PIEZO1: variants seen among roughly 807,000 people sequenced by gnomAD.
PIEZO1 encodes the protein piezo type mechanosensitive ion channel component 1 (Er blood group), also known as piezo-type mechanosensitive ion channel component 1.
A neutral mutation model predicts 297.2 loss-of-function variants in PIEZO1; 296 were observed. The observed-to-expected ratio is 1.00, with a 90% CI of 0.91 to 1.10. The LOEUF (loss-of-function observed/expected upper bound fraction) is 1.10. Ranked by LOEUF, PIEZO1 falls within the 50% of genes least tolerant of loss-of-function variation. The pLI, the probability that PIEZO1 is intolerant of heterozygous loss-of-function variation, is 0.00. For synonymous variants in PIEZO1, 2,427 were observed against 1,507.5 expected (o/e 1.61, Z -14.13); for missense variants, 5,018 against 3,455.5 (o/e 1.45, Z -11.34).
chr16:88,724,864 C>T (rs552848789), intron 30 of PIEZO1, 145 bp downstream of exon 30: 70 of 552,546 alleles, frequency 1.3e-4, no homozygotes, highest in African/African-American at 1.3e-3. Flanking sequence ...GTGAGGCACC[C>T]CCCGACCCAG....
At chr16:88,718,717 T>C (rs1401065123) in intron 44 of PIEZO1, 1 of 152,044 alleles carries the variant, frequency 6.6e-6, no homozygotes. Flanking sequence ...TTCTTCTTTT[T>C]ACTTTTTTAG....
intron 31 of PIEZO1, 140 bp from the exon 32 acceptor site, chr16:88,723,468 C>T: frequency 1.0e-6 from 1 of 983,012 alleles, no homozygotes; most frequent in South Asian, 1.6e-5. Flanking sequence ...TGAGCCCCTC[C>T]CGGATGGGGA....
rs772948565 is a variant in PIEZO1 at position 88,742,293 on chromosome 16, G to A, written c.283+7C>T. 1.8e-5 allele frequency: 27 copies of A among 1,529,954 alleles called. No homozygotes were observed. In the Middle Eastern group the frequency reaches 6.8e-4, roughly 38 times the overall value. The allele number at this position is 1,529,954 out of a possible 1,614,324, so 94.8% of individuals were successfully genotyped here. On this transcript the variant is annotated splice_region_variant and intron_variant, in intron 3 of 50. Transcript: ENST00000301015. ...GCTATCCCTACCCCGCCCCCTCAGC[G>A]ACTCACAGCTGGGTCCCAGGAGCTG...
At chr16:88,784,806 G>A (rs1597494949) in intron 1 of PIEZO1, 95 bp downstream of exon 1, 2 of 916,434 alleles carry the variant, frequency 2.2e-6, no homozygotes, top group Admixed American at 4.0e-5. Flanking sequence ...CTCGCCCGCA[G>A]CCCTCGCCCC....
In PIEZO1 at chr16:88,722,021, C is replaced by G; in HGVS notation, c.5001G>C (p.Glu1667Asp). The G allele has an allele frequency of 1.3e-6, 2 of 1,548,482 alleles. No homozygotes were observed. Among genetic ancestry groups the G allele is most frequent in the South Asian group, 2.4e-5 (2 of 83,950 alleles). ...GCAGCCGCAGCGCCCGGCCCTGCCC[C>G]TCCGCAAACAGCTCTGCCTCCTCCA... ...PELEEAELFAEGQGRALRLLR... is the reference protein window; with the variant it reads ...PELEEAELFADGQGRALRLLR... Residue 1667 changes from glutamate to aspartate, a missense_variant, in exon 37 of 51, where the codon GAG becomes GAC. Coordinates refer to ENST00000301015, the MANE Select transcript of PIEZO1 (RefSeq NM_001142864.4).
chr16:88,738,495 T>C, intron 6 of PIEZO1, 55 bp from the exon 7 acceptor site: 3 of 1,508,256 alleles, frequency 2.0e-6, no homozygotes, highest in Non-Finnish European at 8.8e-7. Context: ...TGTCCCGCTG[T>C]CTCCACAGTC....
intron 1 of PIEZO1, among the ~76,000 whole-genome samples, chr16:88,775,066 C>T (rs1429584030): frequency 6.6e-6 from 1 of 152,176 alleles, no homozygotes; most frequent in Non-Finnish European, 1.5e-5. Context: ...ACAGTGAAGA[C>T]GACAGAGTTC....
chr16:88,742,640 G>A (rs1222128945), intron 2 of PIEZO1: 2 of 543,056 alleles, frequency 3.7e-6, no homozygotes, highest in Non-Finnish European at 6.5e-6. Context: ...ATCCTCCTGG[G>A]GGTGGCAGCA....
intron 1 of PIEZO1, among the ~76,000 whole-genome samples, chr16:88,778,926 C>T (rs984217831): frequency 4.6e-5 from 7 of 151,784 alleles, no homozygotes; most frequent in East Asian, 1.9e-4. Context: ...ACCCAGAGAG[C>T]GGGGGCAGGT....
intron 1 of PIEZO1, among the ~76,000 whole-genome samples, chr16:88,765,495 G>C (rs904466363): frequency 6.6e-6 from 1 of 152,122 alleles, no homozygotes. Flanking sequence ...GTGAAATGGG[G>C]ACAGAATTGG....
intron 1 of PIEZO1, among the ~76,000 whole-genome samples, chr16:88,755,593 T>C (rs969152648): frequency 8.5e-5 from 13 of 152,220 alleles, no homozygotes; most frequent in African/African-American, 2.9e-4. Context: ...TGCCAGTAAA[T>C]AGGCGGGTAC....
chr16:88,723,061 A>G (rs1904293908), intron 33 of PIEZO1, 34 bp downstream of exon 33: 1 of 1,545,084 alleles, frequency 6.5e-7, no homozygotes, highest in Non-Finnish European at 8.7e-7. Flanking sequence ...GGGCCAAGAG[A>G]GACCTCCCAC....
chr16:88,732,855 C>G (rs1281275497), intron 19 of PIEZO1, 123 bp from the exon 20 acceptor site: 2 of 1,028,682 alleles, frequency 1.9e-6, no homozygotes, highest in Non-Finnish European at 2.8e-6. Context: ...GACACGGGGG[C>G]TGCCAGCCTT....
At position 88,720,487 on chromosome 16, in the gene PIEZO1, G is replaced by C. The variant is rs1000604219; in HGVS notation, c.5847C>G (p.Ile1949Met). The C allele has an allele frequency of 3.9e-6, 6 of 1,550,426 alleles. No individual in the cohort carries two copies. In the East Asian group the frequency reaches 1.5e-4, roughly 38 times the overall value. Residue 1949 changes from isoleucine to methionine, a missense_variant, in exon 41 of 51, where the codon ATC becomes ATG. Ile to Met is a conservative substitution (Grantham distance 10). Coordinates refer to ENST00000301015, the MANE Select transcript of PIEZO1 (RefSeq NM_001142864.4). ...YRPLRRFFHD[I>M]LHTKYRAATD... Reference sequence around the variant, plus strand: ...TGGCTGCGCGGTACTTGGTGTGCAGGATGTCGTGGAAGAAGCGCCGTAGCG... The same window carrying C: ...TGGCTGCGCGGTACTTGGTGTGCAGCATGTCGTGGAAGAAGCGCCGTAGCG...
chr16:88,777,760 T>C (rs1170373810), intron 1 of PIEZO1, among the ~76,000 whole-genome samples: 2 of 152,220 alleles, frequency 1.3e-5, no homozygotes, highest in African/African-American at 2.4e-5. Context: ...GATTGCAAAC[T>C]GCAGGCCTTG....
chr16:88,779,837 G>A (rs1230840467), intron 1 of PIEZO1, among the ~76,000 whole-genome samples: 1 of 152,214 alleles, frequency 6.6e-6, no homozygotes, highest in African/African-American at 2.4e-5. Context: ...GGCACTCAGC[G>A]CAGCTGGGAA....
At chr16:88,724,488 G>A (rs1344183535) in intron 30 of PIEZO1, among the ~76,000 whole-genome samples, 2 of 148,872 alleles carry the variant, frequency 1.3e-5, no homozygotes, top group East Asian at 2.0e-4. Flanking sequence ...CCGCAATCAC[G>A]CCATTGCACT....
intron 44 of PIEZO1, 63 bp from the exon 45 acceptor site, chr16:88,717,274 A>T (rs2142752175): frequency 2.8e-6 from 4 of 1,438,934 alleles, no homozygotes; most frequent in East Asian, 2.5e-5. Flanking sequence ...ACACAACCGC[A>T]TTCTCCAGCT....
rs569425981 is a variant in PIEZO1 at position 88,735,136 on chromosome 16, T to C, written c.1668A>G (p.Thr556=). Residue 556 remains threonine (T), a splice_region_variant and synonymous_variant, in exon 13 of 51, where the codon ACA becomes ACG. Transcript: ENST00000301015. ...CCCCGCCTCTGGCCCACCACTCACC[T>C]GTGTCTGCCACGGTGACCTCCGTCA... ...AALTEVTVAD[T]EPTRTQTLLQ... 4 of 1,549,434 alleles carry C rather than the reference T, an allele frequency of 2.6e-6. No homozygotes were observed. The highest frequency in any genetic ancestry group is 2.0e-5 in the Admixed American group (1 of 50,992).
Sources: allele counts gnomAD v4.1 joint callset (sites outside exome capture counted in the v4.1 genomes callset), GRCh38; gene constraint gnomAD v4.1.1; transcripts MANE v1.5; gene names NCBI Gene and HGNC (gene_info 2026-07-23, HGNC 2026-07-21).